DUS2: variants seen among roughly 807,000 people sequenced by gnomAD.
DUS2 encodes tRNA-dihydrouridine(20) synthase [NAD(P)+]-like.
A neutral mutation model predicts 71.3 loss-of-function variants in DUS2; 52 were observed. The ratio of observed to expected loss-of-function variants is 0.73; its 90% CI spans 0.58 to 0.92. The LOEUF (loss-of-function observed/expected upper bound fraction) is 0.92. Ranked by LOEUF, DUS2 falls within the 40% of genes least tolerant of loss-of-function variation. The pLI is 0.00. For missense variants in DUS2, 558 were observed against 622.6 expected (o/e 0.90, Z 1.10); for synonymous variants, 204 against 227.8 (o/e 0.90, Z 0.94).
chr16:68,046,083 C>T (rs1188424197), intron 3 of DUS2, among the ~76,000 whole-genome samples: 4 of 152,060 alleles, frequency 2.6e-5, no homozygotes, highest in South Asian at 2.1e-4. Context: ...GGTATATATG[C>T]GGATTTGTTA....
intron 13 of DUS2, among the ~76,000 whole-genome samples, chr16:68,074,679 C>T (rs955375929): frequency 6.6e-6 from 1 of 152,226 alleles, no homozygotes; most frequent in Non-Finnish European, 1.5e-5. Flanking sequence ...TGTAATGGGT[C>T]GTCTGCCTGG....
At chr16:68,036,655 G>T (rs1343753777) in intron 2 of DUS2, among the ~76,000 whole-genome samples, 1 of 152,272 alleles carries the variant, frequency 6.6e-6, no homozygotes, top group African/African-American at 2.4e-5. Flanking sequence ...GGCCAGGCTG[G>T]TCTCGAACTC....
chr16:68,037,830 C>G, intron 2 of DUS2, 176 bp from the exon 3 acceptor site: 2 of 576,088 alleles, frequency 3.5e-6, no homozygotes, highest in East Asian at 7.7e-5. Flanking sequence ...GCACTCCAGC[C>G]TGGGTGACAA....
chr16:68,027,772 A>G (rs756710951), intron 2 of DUS2, among the ~76,000 whole-genome samples: 7 of 152,218 alleles, frequency 4.6e-5, no homozygotes, highest in Admixed American at 6.5e-5. Context: ...GATGTTGGTC[A>G]GAGAAGGCTT....
Position 68,038,297 on chromosome 16 carries a change from G to A in DUS2, c.126+148G>A, listed in dbSNP as rs1001616452. On this transcript the variant is annotated intron_variant, in intron 3 of 16. Coordinates refer to ENST00000565263, the MANE Select transcript of DUS2 (RefSeq NM_017803.5). ...AAGGCTGGAGGAGACAAACATGTGT[G>A]ACACTGATGAGTCTTGTGAACCCTG... 3 of 1,165,128 alleles carry A rather than the reference G, an allele frequency of 2.6e-6. No individual in the cohort carries two copies. In the African/African-American group the frequency reaches 4.7e-5, roughly 18 times the overall value. 72.2% of individuals were successfully genotyped at this position (1,165,128 alleles called of 1,614,324 possible). A position where few individuals can be genotyped will look rare whatever the true frequency, so the allele number is the denominator to read the frequency against.
At chr16:68,053,497 A>G in intron 4 of DUS2, 67 bp from the exon 5 acceptor site, 4 of 1,494,652 alleles carry the variant, frequency 2.7e-6, no homozygotes, top group Non-Finnish European at 2.8e-6. Flanking sequence ...GTTTTCTTCC[A>G]GGGCTTAGGC....
At chr16:68,033,137 C>G (rs1012765137) in intron 2 of DUS2, among the ~76,000 whole-genome samples, 1 of 152,062 alleles carries the variant, frequency 6.6e-6, no homozygotes, top group African/African-American at 2.4e-5. Context: ...GGATCCCATG[C>G]TGGCAGAATG....
chr16:68,041,087 T>C (rs1278296330), intron 3 of DUS2, among the ~76,000 whole-genome samples: 1 of 152,100 alleles, frequency 6.6e-6, no homozygotes, highest in Non-Finnish European at 1.5e-5. Context: ...AAAAATTAGC[T>C]GTACGCGGTG....
chr16:68,058,460 T>C (rs529833294), intron 7 of DUS2, among the ~76,000 whole-genome samples: 23 of 152,196 alleles, frequency 1.5e-4, no homozygotes, highest in African/African-American at 2.4e-4. Flanking sequence ...ACGCCTGACC[T>C]CGTGATCCAC....
intron 2 of DUS2, among the ~76,000 whole-genome samples, chr16:68,026,608 G>T (rs2033354345): frequency 6.6e-6 from 1 of 151,974 alleles, no homozygotes; most frequent in Non-Finnish European, 1.5e-5. Context: ...GCCTGGTGTG[G>T]TGGCTCACGC....
In DUS2 at chr16:68,054,912, G is replaced by A. The variant is rs1388355330; in HGVS notation, c.308+295G>A. On this transcript the variant is annotated intron_variant, in intron 6 of 16. Transcript: ENST00000565263. The stretch of plus-strand genomic sequence containing the variant: ...ACAAAAATTAGCTGGGTGTGGTGGC[G>A]CGTGCCTGTAGTCCCAGCTACTCAG... 4.6e-5 allele frequency among the ~76,000 whole-genome samples: 7 copies of A among 152,122 alleles called. No homozygotes were observed. The East Asian group carries it at 5.8e-4, about 13-fold the overall frequency.
rs942151224 is a variant in DUS2, at chr16:68,049,568, T to C, written c.172+18T>C. 2.5e-6 allele frequency: 4 copies of C among 1,613,592 alleles called. No individual in the cohort carries two copies. The highest frequency in any genetic ancestry group is 3.4e-6 in the Non-Finnish European group (4 of 1,179,524). On this transcript the variant is annotated intron_variant, in intron 4 of 16. Transcript: ENST00000565263. Reference sequence around the variant, plus strand: ...TGTTAATGGTGAGTACAGATCTGGCTCCAGAATTATGCATATGCCCTGCTG... The same window carrying C: ...TGTTAATGGTGAGTACAGATCTGGCCCCAGAATTATGCATATGCCCTGCTG...
At chr16:68,071,948 C>T (rs1664957255) in intron 12 of DUS2, among the ~76,000 whole-genome samples, 1 of 152,196 alleles carries the variant, frequency 6.6e-6, no homozygotes, top group Admixed American at 6.5e-5. Context: ...AGTTCACTTG[C>T]CTTATCTCTT....
At chr16:68,065,636 AAAACAAAC>A (rs370084868) in intron 8 of DUS2, among the ~76,000 whole-genome samples, 72 of 151,982 alleles carry the variant, frequency 4.7e-4, no homozygotes, top group Middle Eastern at 6.8e-3. Flanking sequence ...GTCTCAAAAC[AAAACAAAC>A]AAACAAACAA....
At chr16:68,024,402 A>G (rs982320977) in intron 1 of DUS2, among the ~76,000 whole-genome samples, 4 of 152,048 alleles carry the variant, frequency 2.6e-5, no homozygotes, top group Non-Finnish European at 5.9e-5. Flanking sequence ...CCCAACAGAT[A>G]CTTCTTGAAC....
intron 16 of DUS2, 45 bp from the exon 17 acceptor site, chr16:68,078,704 A>G (rs2151428067): frequency 1.3e-6 from 2 of 1,566,708 alleles, no homozygotes; most frequent in Admixed American, 3.5e-5. Flanking sequence ...CAGGCCTCAT[A>G]GCCCTGCACC....
rs372018578 is a variant in DUS2 at position 68,054,569 on chromosome 16, C to T, written c.265-5C>T. The T allele has an allele frequency of 1.9e-6, 3 of 1,613,900 alleles. No homozygotes were observed. Among genetic ancestry groups the T allele is most frequent in the African/African-American group, 2.7e-5 (2 of 74,872 alleles). ...AGTGGTTGATGCAGCCTCTTGTGTT[C>T]CCAGGGGACTTCAGACGCAGAGCGA... On this transcript the variant is annotated splice_polypyrimidine_tract_variant and splice_region_variant and intron_variant, in intron 5 of 16. Transcript: ENST00000565263.
intron 6 of DUS2, among the ~76,000 whole-genome samples, chr16:68,055,988 G>A (rs986001068): frequency 2.6e-5 from 4 of 152,006 alleles, no homozygotes; most frequent in South Asian, 2.1e-4. Flanking sequence ...AGAAGCTGTC[G>A]TCTGGCAAAG....
chr16:68,078,306 G>A, intron 15 of DUS2, 139 bp from the exon 16 acceptor site: 1 of 771,942 alleles, frequency 1.3e-6, no homozygotes, highest in Non-Finnish European at 2.2e-6. Context: ...TTTTGCTTGG[G>A]AGGAGCATGT....
Sources: gnomAD v4.1 joint callset for allele counts (sites outside exome capture counted in the v4.1 genomes callset) on GRCh38, gnomAD v4.1.1 for gene constraint, MANE v1.5 for transcripts, NCBI Gene and HGNC (gene_info 2026-07-23, HGNC 2026-07-21) for gene names.